RAB40A: variants seen among roughly 807,000 people sequenced by gnomAD.
The protein encoded by RAB40A is ras-related protein Rab-40A.
For synonymous variants in RAB40A, 65 were observed against 99.9 expected (o/e 0.65, Z 2.08); for missense variants, 145 against 230.2 (o/e 0.63, Z 2.40).
rs2073210531 is a variant in RAB40A, at chrX:103,499,702, C to T, written c.*221G>A. The T allele has an allele frequency of 1.1e-5, 5 of 465,196 alleles. No individual in the cohort carries two copies. The highest frequency in any genetic ancestry group is 1.9e-5 in the Non-Finnish European group (5 of 265,882). 38.3% of individuals were successfully genotyped at this position (465,196 alleles called of 1,213,427 possible). A position where few individuals can be genotyped will look rare whatever the true frequency, so the allele number is the denominator to read the frequency against. On this transcript the variant is annotated 3_prime_UTR_variant, in exon 3 of 3. Coordinates refer to ENST00000304236, the MANE Select transcript of RAB40A (RefSeq NM_080879.3). ...TACTAATTTCCCCTTTATAAACACA[C>T]GTTTAAAACAAGAGCTTCATGCACA...
chrX:103,499,814 T>G lies in RAB40A; in HGVS notation c.*109A>C. The G allele has an allele frequency of 1.1e-6, 1 of 943,164 alleles. No individual in the cohort carries two copies. Among genetic ancestry groups the G allele is most frequent in the Non-Finnish European group, 1.5e-6 (1 of 659,536 alleles). 77.7% of individuals were successfully genotyped at this position (943,164 alleles called of 1,213,427 possible). ...ACATTCCCAAGCAGCATGGTTCCCG[T>G]GAGAAACTGAAAACTAATTTCTTGA... On this transcript the variant is annotated 3_prime_UTR_variant, in exon 3 of 3. Transcript: ENST00000304236.
downstream of RAB40A, among the ~76,000 whole-genome samples, chrX:103,495,346 C>T (rs548323436): frequency 9.0e-6 from 1 of 111,676 alleles, no homozygotes; most frequent in East Asian, 2.8e-4. Context: ...AAGATCATGT[C>T]ATCTGCAAAC....
At position 103,507,411 on chromosome X, in the gene RAB40A, GT is replaced by G. The variant is rs756759324; in HGVS notation, c.-70-6586del. Among the ~76,000 whole-genome samples the G allele has an allele frequency of 1.0e-4, 11 of 108,857 alleles. No homozygotes were observed. The Admixed American group carries it at 1.1e-3, about 11-fold the overall frequency. The allele number at this position is 108,857 out of a possible 115,157, so 94.5% of individuals were successfully genotyped here. A position where few individuals can be genotyped will look rare whatever the true frequency, so the allele number is the denominator to read the frequency against. On this transcript the variant is annotated intron_variant, in intron 2 of 2. Transcript: ENST00000304236. ...CCTTGTTTTAATACAGTCTTTAGTGGTTTTTTTTCCTTTGGAAAGTGTTTTA... is the reference window on the plus strand; with the variant it reads ...CCTTGTTTTAATACAGTCTTTAGTGGTTTTTTTCCTTTGGAAAGTGTTTTA...
In RAB40A at chrX:103,500,324, C is replaced by G. The variant is rs764858205; in HGVS notation, c.433G>C (p.Ala145Pro). ...QVPREQAQAY[A>P]ERLGVTFFEV... ...AAGAAGGTCACACCCAGGCGCTCGG[C>G]GTAGGCCTGGGCCTGCTCCCTGGGC... The change falls in exon 3 of 3, where the codon GCC becomes CCC. Residue 145 changes from alanine to proline, a missense_variant. Coordinates refer to ENST00000304236, the MANE Select transcript of RAB40A (RefSeq NM_080879.3). 4.1e-6 allele frequency: 5 copies of G among 1,210,292 alleles called. No individual in the cohort carries two copies. Among genetic ancestry groups the G allele is most frequent in the Non-Finnish European group, 5.6e-6 (5 of 895,228 alleles).
In RAB40A at chrX:103,499,973, G is replaced by GT. The variant is rs2073212649; in HGVS notation, c.783dup (p.Pro262ThrfsTer49). The GT allele has an allele frequency of 8.3e-7, 1 of 1,208,069 alleles. No individual in the cohort carries two copies. Among genetic ancestry groups the GT allele is most frequent in the African/African-American group, 1.7e-5 (1 of 57,258 alleles). ...GTGCAGTTTTTGGGTGGGCTCTGGG[G>GT]TGGGCAGACGATCTCCACTTTGCAG... On this transcript the variant is annotated frameshift_variant, in exon 3 of 3. Transcript: ENST00000304236. LOFTEE classifies it high-confidence loss of function.
At chrX:103,509,211 T>G (rs1159143691) in intron 2 of RAB40A, among the ~76,000 whole-genome samples, 1 of 111,205 alleles carries the variant, frequency 9.0e-6, no homozygotes, top group Non-Finnish European at 1.9e-5. Context: ...CACGTCAACT[T>G]TTAAACTTGC....
At chrX:103,509,515 CCCTCCCCTCT>C (rs1471204490) in intron 2 of RAB40A, among the ~76,000 whole-genome samples, 2 of 67,255 alleles carry the variant, frequency 3.0e-5, no homozygotes, top group Non-Finnish European at 5.6e-5. Context: ...CCCTCTCCCT[CCCTCCCCTCT>C]CCTCCCCTCT....
chrX:103,511,748 T>C (rs1042906949), intron 2 of RAB40A, among the ~76,000 whole-genome samples: 3 of 110,824 alleles, frequency 2.7e-5, no homozygotes, highest in Admixed American at 9.5e-5. Flanking sequence ...CTAATGTAGA[T>C]GATGGGTTGA....
chrX:103,510,413 C>G (rs2073283006), intron 2 of RAB40A, among the ~76,000 whole-genome samples: 2 of 112,296 alleles, frequency 1.8e-5, no homozygotes, highest in South Asian at 7.4e-4. Context: ...TTCTTTTTCT[C>G]TATCTTTATG....
chrX:103,503,259 C>G, intron 2 of RAB40A: 1 of 753,641 alleles, frequency 1.3e-6, no homozygotes, highest in Non-Finnish European at 1.6e-6. Context: ...AGAAAGGTGA[C>G]AGAGAGGATA....
chrX:103,512,555 G>T, intron 2 of RAB40A, among the ~76,000 whole-genome samples: 1 of 111,659 alleles, frequency 9.0e-6, no homozygotes, highest in Non-Finnish European at 1.9e-5. Flanking sequence ...TACAGCAGTT[G>T]CAGGAACTGA....
chrX:103,497,171 A>G (rs946309212), downstream of RAB40A, among the ~76,000 whole-genome samples: 7 of 112,032 alleles, frequency 6.2e-5, no homozygotes, highest in African/African-American at 2.3e-4. Flanking sequence ...ATTATCAATG[A>G]TAAGAGGCTC....
chrX:103,504,949 G>T (rs917862019), intron 2 of RAB40A, among the ~76,000 whole-genome samples: 15 of 112,151 alleles, frequency 1.3e-4, no homozygotes, highest in Non-Finnish European at 2.8e-4. Context: ...AATAATAAAA[G>T]CAGAATTTAC....
downstream of RAB40A, among the ~76,000 whole-genome samples, chrX:103,498,881 A>G (rs943224183): frequency 8.9e-6 from 1 of 112,275 alleles, no homozygotes; most frequent in Non-Finnish European, 1.9e-5. Flanking sequence ...CGTGGAAACC[A>G]CTTCTCCTTC....
At chrX:103,508,080 A>G (rs189293012) in intron 2 of RAB40A, among the ~76,000 whole-genome samples, 15 of 112,757 alleles carry the variant, frequency 1.3e-4, no homozygotes, top group African/African-American at 4.2e-4. Flanking sequence ...TCTGAGATGT[A>G]GTTTACAAAT....
chrX:103,516,938 C>T (rs1050439427), intron 2 of RAB40A, among the ~76,000 whole-genome samples: 1 of 111,012 alleles, frequency 9.0e-6, no homozygotes, highest in Non-Finnish European at 1.9e-5. Flanking sequence ...TTTAATGAAC[C>T]CTTTACAGCT....
chrX:103,515,801 T>C (rs2073313875), intron 2 of RAB40A, among the ~76,000 whole-genome samples: 2 of 111,904 alleles, frequency 1.8e-5, no homozygotes, highest in African/African-American at 6.5e-5. Context: ...GCTATCCAGA[T>C]TATGAAACAA....
At chrX:103,494,613 A>G (rs1196941347), downstream of RAB40A, among the ~76,000 whole-genome samples, 2 of 112,114 alleles carry the variant, frequency 1.8e-5, no homozygotes, top group Non-Finnish European at 3.8e-5. Flanking sequence ...ATGGCAAGAA[A>G]TAGAGGGTCT....
At chrX:103,517,175 G>A (rs1473689168) in intron 2 of RAB40A, among the ~76,000 whole-genome samples, 199 bp downstream of exon 2, 1 of 111,569 alleles carries the variant, frequency 9.0e-6, no homozygotes, top group African/African-American at 3.3e-5. Context: ...TGCATGATAG[G>A]AATAATAATA....
Sources: gnomAD v4.1 joint callset for allele counts (sites outside exome capture counted in the v4.1 genomes callset) on GRCh38, gnomAD v4.1.1 for gene constraint, MANE v1.5 for transcripts, NCBI Gene and HGNC (gene_info 2026-07-23, HGNC 2026-07-21) for gene names.